SLAIN2: variants seen among roughly 807,000 people sequenced by gnomAD.
The protein encoded by SLAIN2 is SLAIN family member 2.
Under a neutral mutation model 56.6 loss-of-function variants are expected in SLAIN2, and 31 were observed. That is an observed-to-expected ratio of 0.55 (90% CI 0.41 to 0.74). SLAIN2 has a LOEUF of 0.74. SLAIN2 is among the 30% of genes least tolerant of loss of function. The pLI is 0.00. For missense variants in SLAIN2, 777 were observed against 754.2 expected (o/e 1.03, Z -0.35); for synonymous variants, 317 against 284.9 (o/e 1.11, Z -1.13).
At chr4:48,413,916 T>A (rs1229473055) in intron 6 of SLAIN2, among the ~76,000 whole-genome samples, 4 of 152,218 alleles carry the variant, frequency 2.6e-5, no homozygotes, top group Non-Finnish European at 5.9e-5. Context: ...AAGATATGTA[T>A]AATTTATTCA....
At chr4:48,349,510 A>G (rs1714955857) in intron 1 of SLAIN2, among the ~76,000 whole-genome samples, 1 of 152,208 alleles carries the variant, frequency 6.6e-6, no homozygotes, top group Admixed American at 6.5e-5. Context: ...GTAGTGTGTG[A>G]TTTTTAAAAT....
At chr4:48,408,090 A>C (rs532716168) in intron 6 of SLAIN2, among the ~76,000 whole-genome samples, 1 of 152,162 alleles carries the variant, frequency 6.6e-6, no homozygotes, top group Non-Finnish European at 1.5e-5. Context: ...TAATGCCAGC[A>C]CTTTGGGCGG....
In SLAIN2 at chr4:48,341,602, C is replaced by G. The variant is rs959903392; in HGVS notation, c.-138C>G. On this transcript the variant is annotated 5_prime_UTR_variant, in exon 1 of 8. Transcript: ENST00000264313. The stretch of plus-strand genomic sequence containing the variant: ...CTTTGGAACCCGAGGTGGGGGGACC[C>G]TGGCGGTGGGGCCTGGTCCTGCTAT... The G allele has an allele frequency of 1.5e-6, 2 of 1,297,946 alleles. No homozygotes were observed. The highest frequency in any genetic ancestry group is 2.0e-6 in the Non-Finnish European group (2 of 999,280). The allele number at this position is 1,297,946 out of a possible 1,614,324, so 80.4% of individuals were successfully genotyped here. A position where few individuals can be genotyped will look rare whatever the true frequency, so the allele number is the denominator to read the frequency against.
At chr4:48,406,627 G>A (rs1056689132) in intron 6 of SLAIN2, among the ~76,000 whole-genome samples, 24 of 144,292 alleles carry the variant, frequency 1.7e-4, no homozygotes, top group Non-Finnish European at 2.8e-4. Flanking sequence ...TAGGCTCTCC[G>A]TTTAAATACA....
chr4:48,364,745 A>G (rs1715462054), intron 1 of SLAIN2, among the ~76,000 whole-genome samples: 3 of 137,778 alleles, frequency 2.2e-5, no homozygotes, highest in Non-Finnish European at 4.8e-5. Context: ...CGTGCCTGCA[A>G]TCGCAGGCAC....
chr4:48,341,895 C>T lies in SLAIN2; in HGVS notation c.156C>T (p.Ala52=), dbSNP rs529458931. 30 of 1,512,204 alleles carry T rather than the reference C, an allele frequency of 2.0e-5. No homozygotes were observed. The African/African-American group carries it at 2.8e-4, about 14-fold the overall frequency. 93.7% of individuals were successfully genotyped at this position (1,512,204 alleles called of 1,614,324 possible). A position where few individuals can be genotyped will look rare whatever the true frequency, so the allele number is the denominator to read the frequency against. ...TTGGGCCCGGCAGCCCGGTTCGGGC[C>T]GGCGCGTCCATTCCCTCCTCCGGCG... is the stretch of plus-strand genomic sequence containing the variant. The part of the protein sequence containing the change: ...GSLGPGSPVR[A]GASIPSSGAA... The change falls in exon 1 of 8, where the codon GCC becomes GCT. Residue 52 remains alanine, a synonymous_variant. Coordinates refer to ENST00000264313, the MANE Select transcript of SLAIN2 (RefSeq NM_020846.2).
At chr4:48,345,422 A>G (rs1714837926) in intron 1 of SLAIN2, among the ~76,000 whole-genome samples, 2 of 152,134 alleles carry the variant, frequency 1.3e-5, no homozygotes, top group African/African-American at 2.4e-5. Flanking sequence ...GTCATTATAC[A>G]TGGTTCCCAG....
intron 1 of SLAIN2, among the ~76,000 whole-genome samples, chr4:48,359,125 T>G (rs1042985460): frequency 4.6e-5 from 7 of 152,244 alleles, no homozygotes; most frequent in African/African-American, 1.7e-4. Flanking sequence ...TACTTTGGTA[T>G]CCTCCCTTTA....
At chr4:48,353,601 T>A (rs1411942706) in intron 1 of SLAIN2, among the ~76,000 whole-genome samples, 1 of 152,250 alleles carries the variant, frequency 6.6e-6, no homozygotes, top group Non-Finnish European at 1.5e-5. Flanking sequence ...AGGTTTTTTT[T>A]ACTGGAGTAA....
At chr4:48,414,568 T>A (rs1192177138) in intron 6 of SLAIN2, among the ~76,000 whole-genome samples, 64 of 143,296 alleles carry the variant, frequency 4.5e-4, no homozygotes, top group Admixed American at 1.0e-3. Flanking sequence ...TTTTTTTTTT[T>A]TTATTATACT....
In SLAIN2 at chr4:48,341,631, C is replaced by T; in HGVS notation, c.-109C>T. ...CGGTGGGGCCTGGTCCTGCTATATG[C>T]CGGCGCCTCGGCTAGAGTGAGCGGC... On this transcript the variant is annotated 5_prime_UTR_variant, in exon 1 of 8. Coordinates refer to ENST00000264313, the MANE Select transcript of SLAIN2 (RefSeq NM_020846.2). 1.4e-6 allele frequency: 2 copies of T among 1,436,258 alleles called. No individual in the cohort carries two copies. The highest frequency in any genetic ancestry group is 1.5e-5 in the South Asian group (1 of 68,724). 89.0% of individuals were successfully genotyped at this position (1,436,258 alleles called of 1,614,324 possible).
At chr4:48,400,746 A>C (rs78940330) in intron 6 of SLAIN2, among the ~76,000 whole-genome samples, 3 of 150,892 alleles carry the variant, frequency 2.0e-5, no homozygotes, top group Non-Finnish European at 4.4e-5. Flanking sequence ...TTTATTAATT[A>C]AAAAAAAAGC....
At chr4:48,387,045 A>G (rs190720407) in intron 6 of SLAIN2, among the ~76,000 whole-genome samples, 5 of 152,308 alleles carry the variant, frequency 3.3e-5, no homozygotes, top group East Asian at 1.9e-4. Flanking sequence ...GGATTTCTCA[A>G]AAGTTTACAT....
At chr4:48,412,470 A>G (rs66894522) in intron 6 of SLAIN2, among the ~76,000 whole-genome samples, 44,338 of 144,112 alleles carry the variant, frequency 0.31, 7,659 homozygotes, top group South Asian at 0.49. Flanking sequence ...AAGGGTGGCT[A>G]AGGTTTTCAG....
rs1353237817 is a variant in SLAIN2 at position 48,423,582 on chromosome 4, A to G, written c.*1505A>G. On this transcript the variant is annotated 3_prime_UTR_variant, in exon 8 of 8. Coordinates refer to ENST00000264313, the MANE Select transcript of SLAIN2 (RefSeq NM_020846.2). ...TTGGGAGAGAGAAATAGAAGGCTTG[A>G]TATTCTGGACAGCATTAAGGTTGAT... is the stretch of plus-strand genomic sequence containing the variant. 6.6e-6 allele frequency: 1 copy of G among 152,178 alleles called. No individual in the cohort carries two copies. Among genetic ancestry groups the G allele is most frequent in the Admixed American group, 6.6e-5 (1 of 15,260 alleles). 9.4% of individuals were successfully genotyped at this position (152,178 alleles called of 1,614,324 possible).
At chr4:48,390,666 TTAA>T (rs1395309502) in intron 6 of SLAIN2, among the ~76,000 whole-genome samples, 1 of 152,132 alleles carries the variant, frequency 6.6e-6, no homozygotes, top group Non-Finnish European at 1.5e-5. Context: ...AGACAATGGG[TTAA>T]TAATTTGAAG....
chr4:48,416,762 A>G (rs1265862036), intron 6 of SLAIN2, among the ~76,000 whole-genome samples: 74 of 146,696 alleles, frequency 5.0e-4, no homozygotes, highest in African/African-American at 1.8e-3. Context: ...TACTGGGTAC[A>G]TAACGAAATG....
chr4:48,369,941 C>G lies in SLAIN2; in HGVS notation c.482C>G (p.Pro161Arg). 2.5e-6 allele frequency: 4 copies of G among 1,613,692 alleles called. No homozygotes were observed. Among genetic ancestry groups the G allele is most frequent in the Non-Finnish European group, 3.4e-6 (4 of 1,179,698 alleles). ...AGGCAAGTTTTGGATTACCCAAGTC[C>G]TGATGTTGAGTGTGCTAAAAAATCT... ...WCRQVLDYPSPDVECAKKSLI... is the reference protein window; with the variant it reads ...WCRQVLDYPSRDVECAKKSLI... The change falls in exon 2 of 8, where the codon CCT becomes CGT. Residue 161 changes from proline to arginine, a missense_variant. Physicochemically the swap from Pro to Arg is moderately radical, Grantham distance 103 (BLOSUM62 -2). Transcript: ENST00000264313.
intron 6 of SLAIN2, among the ~76,000 whole-genome samples, chr4:48,409,781 G>A (rs781157411): frequency 6.6e-6 from 1 of 152,152 alleles, no homozygotes. Flanking sequence ...CTACCCGGAA[G>A]GCTGAGGTAG....
Sources: allele counts gnomAD v4.1 joint callset (sites outside exome capture counted in the v4.1 genomes callset), GRCh38; gene constraint gnomAD v4.1.1; transcripts MANE v1.5; gene names NCBI Gene and HGNC (gene_info 2026-07-23, HGNC 2026-07-21).